Variants in BZW1 observed in about 807,000 individuals in gnomAD.
The protein encoded by BZW1 is eIF5-mimic protein 2.
In BZW1, 3 loss-of-function variants were observed where a neutral mutation model predicts 54.1. The observed-to-expected ratio is 0.06, with a 90% CI of 0.03 to 0.14. The LOEUF is 0.14. Among genes scored for constraint, BZW1 ranks in the 10% least tolerant of loss-of-function variants. The pLI is 1.00. For synonymous variants in BZW1, 152 were observed against 162.7 expected (o/e 0.93, Z 0.50); for missense variants, 206 against 491.7 (o/e 0.42, Z 5.50).
intron 10 of BZW1, 141 bp downstream of exon 10, chr2:200,820,261 G>A (rs1238446700): frequency 4.5e-6 from 3 of 661,550 alleles, no homozygotes; most frequent in Non-Finnish European, 7.3e-6. Flanking sequence ...ATTAAATTGG[G>A]TGCTTTTTAG....
chr2:200,813,123 T>G (rs1255505006), intron 1 of BZW1, 85 bp from the exon 2 acceptor site: 1 of 1,139,156 alleles, frequency 8.8e-7, no homozygotes, highest in Non-Finnish European at 1.3e-6. Flanking sequence ...ATTTGATTCA[T>G]ATGTGACTAG....
intron 2 of BZW1, among the ~76,000 whole-genome samples, chr2:200,814,825 A>G (rs536643061): frequency 1.1e-4 from 17 of 152,328 alleles, no homozygotes; most frequent in Non-Finnish European, 1.5e-5. Context: ...ATAGGGGGAA[A>G]AATCTGCCTC....
chr2:200,813,170 A>G (rs1486350000), intron 1 of BZW1, 38 bp from the exon 2 acceptor site: 15 of 1,535,540 alleles, frequency 9.8e-6, no homozygotes, highest in African/African-American at 1.4e-5. Flanking sequence ...AATTAGTATT[A>G]TGGCACTGAT....
rs529591832 is a variant in BZW1, at chr2:200,820,442, G to A, written c.1105+322G>A. On this transcript the variant is annotated intron_variant, in intron 10 of 11. Coordinates refer to ENST00000409600, the MANE Select transcript of BZW1 (RefSeq NM_001207067.2). ...TACTTGTGACCCCAACACTTTGGGA[G>A]CCTGAGGCTGGAGGATCGCTTGAGC... Among the ~76,000 whole-genome samples, 16 of 152,328 alleles carry A rather than the reference G, an allele frequency of 1.1e-4. No homozygotes were observed. The South Asian group carries it at 3.3e-3, about 32-fold the overall frequency.
intron 6 of BZW1, 149 bp downstream of exon 6, chr2:200,817,390 TAATG>T (rs1433092908): frequency 6.7e-6 from 7 of 1,045,682 alleles, no homozygotes; most frequent in Non-Finnish European, 9.6e-6. Context: ...ACTAGACATT[TAATG>T]AATACCTTTG....
chr2:200,819,889 GAGTTA>G (rs1203078842), intron 9 of BZW1, 88 bp from the exon 10 acceptor site: 1 of 1,125,588 alleles, frequency 8.9e-7, no homozygotes. Flanking sequence ...TATAAAAGAT[GAGTTA>G]AGTTCTATAT....
rs1444875293 is a variant in BZW1, at chr2:200,820,098, A to G, written c.1083A>G (p.Lys361=). The G allele has an allele frequency of 1.3e-6, 2 of 1,550,316 alleles. No individual in the cohort carries two copies. The highest frequency in any genetic ancestry group is 8.7e-7 in the Non-Finnish European group (1 of 1,148,372). Residue 361 remains lysine, a synonymous_variant, in exon 10 of 12, where the codon AAA becomes AAG. Transcript: ENST00000409600. ...TTCATTTCATGAAAGCCTTCCAGAAAATAGTGGTGCTTTTTTATAAAGGTA... is the reference window on the plus strand; with the variant it reads ...TTCATTTCATGAAAGCCTTCCAGAAGATAGTGGTGCTTTTTTATAAAGGTA... The part of the protein sequence containing the change: ...DNIHFMKAFQ[K]IVVLFYKAEV...
chr2:200,821,588 AG>A (rs2038515862), intron 11 of BZW1, among the ~76,000 whole-genome samples: 1 of 151,948 alleles, frequency 6.6e-6, no homozygotes, highest in African/African-American at 2.4e-5. Context: ...ATATAGAGAC[AG>A]AGTCTCACTA....
intron 2 of BZW1, among the ~76,000 whole-genome samples, chr2:200,814,548 A>G (rs2038218026): frequency 6.6e-6 from 1 of 152,238 alleles, no homozygotes; most frequent in African/African-American, 2.4e-5. Flanking sequence ...AGGTATGTGC[A>G]CAAGGCTGTG....
At position 200,817,183 on chromosome 2, in the gene BZW1, T is replaced by G. The variant is rs1352134396; in HGVS notation, c.480T>G (p.Asn160Lys). The G allele has an allele frequency of 6.2e-7, 1 of 1,613,710 alleles. No homozygotes were observed. Among genetic ancestry groups the G allele is most frequent in the Non-Finnish European group, 8.5e-7 (1 of 1,179,816 alleles). ...TGTTGACTGGTGTTCTTCTGGCTAA[T>G]GGAACACTTAATGCATCCATTCTTA... ...LAMLTGVLLA[N>K]GTLNASILNS... The change falls in exon 6 of 12, where the codon AAT (asparagine) becomes AAG (lysine). Residue 160 changes from asparagine (N) to lysine (K), a missense_variant. This residue lies in a region of BZW1 where 81 missense variants were observed against 257.1 expected (regional missense o/e 0.32). Transcript: ENST00000409600.
chr2:200,820,489 G>A (rs963854705), intron 10 of BZW1, among the ~76,000 whole-genome samples: 3 of 152,086 alleles, frequency 2.0e-5, no homozygotes, highest in Non-Finnish European at 4.4e-5. Flanking sequence ...AGACCGGCCT[G>A]GACTGCATAA....
Position 200,824,679 on chromosome 2 carries a change from T to A in BZW1, c.*2501T>A, listed in dbSNP as rs993547605. On this transcript the variant is annotated 3_prime_UTR_variant, in exon 12 of 12. Coordinates refer to ENST00000409600, the MANE Select transcript of BZW1 (RefSeq NM_001207067.2). Reference sequence around the variant, plus strand: ...ACCCCCAGCCTTTTTAGGCTTTTTTTTTTTTTTTTTTGAGACGGAGTCTCG... The same window carrying A: ...ACCCCCAGCCTTTTTAGGCTTTTTTATTTTTTTTTTTGAGACGGAGTCTCG... 9 of 149,164 alleles carry A rather than the reference T, an allele frequency of 6.0e-5. No individual in the cohort carries two copies. The highest frequency in any genetic ancestry group is 1.0e-4 in the Non-Finnish European group (7 of 67,094). The allele number at this position is 149,164 out of a possible 1,614,324, so 9.2% of individuals were successfully genotyped here.
intron 1 of BZW1, 165 bp downstream of exon 1, chr2:200,812,155 C>A (rs1484495427): frequency 2.7e-6 from 3 of 1,124,984 alleles, no homozygotes; most frequent in East Asian, 3.3e-5. Context: ...GCCGCCGCTT[C>A]GGCAGGGAGG....
chr2:200,821,385 T>C, intron 11 of BZW1, 80 bp downstream of exon 11: 15 of 1,539,096 alleles, frequency 9.7e-6, no homozygotes, highest in Non-Finnish European at 1.3e-5. Context: ...CATGCTTCCT[T>C]CTTTCTGATG....
rs2038688717 is a variant in BZW1 at position 200,826,370 on chromosome 2, GATATAGATAGAT to G, written c.*4194_*4205del. The stretch of plus-strand genomic sequence containing the variant: ...GTTCTTAATGAGTTGATGGGATGAA[GATATAGATAGAT>G]AGATAGATAGATAGATAGATAGATA... On this transcript the variant is annotated 3_prime_UTR_variant, in exon 12 of 12. Transcript: ENST00000409600. 1 of 58,978 alleles carries G rather than the reference GATATAGATAGAT, an allele frequency of 1.7e-5. No individual in the cohort carries two copies. The highest frequency in any genetic ancestry group is 6.1e-4 in the South Asian group (1 of 1,644). The allele number at this position is 58,978 out of a possible 1,614,324, so 3.7% of individuals were successfully genotyped here. A position where few individuals can be genotyped will look rare whatever the true frequency, so the allele number is the denominator to read the frequency against.
intron 10 of BZW1, among the ~76,000 whole-genome samples, chr2:200,820,360 C>T (rs1297035528): frequency 6.6e-6 from 1 of 152,142 alleles, no homozygotes; most frequent in Admixed American, 6.5e-5. Flanking sequence ...TCAAACTTGC[C>T]TCCTATACTC....
At chr2:200,817,576 A>C (rs1270349512) in intron 6 of BZW1, among the ~76,000 whole-genome samples, 1 of 152,188 alleles carries the variant, frequency 6.6e-6, no homozygotes, top group Non-Finnish European at 1.5e-5. Flanking sequence ...TCAAGCTGGA[A>C]GGGAAAATCA....
intron 2 of BZW1, among the ~76,000 whole-genome samples, chr2:200,814,311 T>C (rs1443156228): frequency 1.3e-5 from 2 of 152,184 alleles, no homozygotes; most frequent in Non-Finnish European, 2.9e-5. Context: ...ATAGAGATGA[T>C]TCGTGGCCTG....
At chr2:200,814,467 G>A (rs1311268698) in intron 2 of BZW1, among the ~76,000 whole-genome samples, 2 of 152,224 alleles carry the variant, frequency 1.3e-5, no homozygotes, top group African/African-American at 4.8e-5. Context: ...TGTGTGAACA[G>A]ATGTCATCTA....
Sources: gnomAD v4.1 joint callset for allele counts (sites outside exome capture counted in the v4.1 genomes callset) on GRCh38, gnomAD v4.1.1 for gene constraint, gnomAD v4.1.1 regional missense constraint, MANE v1.5 for transcripts, NCBI Gene and HGNC (gene_info 2026-07-23, HGNC 2026-07-21) for gene names.